The following KCND2 variants were observed in gnomAD, a reference collection of about 807,000 sequenced individuals.
KCND2 encodes the protein A-type voltage-gated potassium channel KCND2.
A neutral mutation model predicts 54.4 loss-of-function variants in KCND2; 16 were observed. The ratio of observed to expected loss-of-function variants is 0.29; its 90% CI spans 0.20 to 0.45. The LOEUF (loss-of-function observed/expected upper bound fraction) is 0.45. Among genes scored for constraint, KCND2 ranks in the 20% least tolerant of loss-of-function variants. The probability of loss-of-function intolerance (pLI) is 1.00; values close to 1 mark genes in which losing one functional copy is unlikely to be tolerated. For synonymous variants in KCND2, 317 were observed against 310.7 expected (o/e 1.02, Z -0.21); for missense variants, 486 against 824.2 (o/e 0.59, Z 5.02).
intron 1 of KCND2, among the ~76,000 whole-genome samples, chr7:120,699,398 G>C (rs908042762): frequency 6.6e-6 from 1 of 152,114 alleles, no homozygotes; most frequent in Non-Finnish European, 1.5e-5. Context: ...CTTCTTATTT[G>C]TATGAGTCAC....
intron 1 of KCND2, among the ~76,000 whole-genome samples, chr7:120,566,985 A>G (rs1032527206): frequency 6.6e-6 from 1 of 152,080 alleles, no homozygotes; most frequent in Non-Finnish European, 1.5e-5. Flanking sequence ...AAAAACAGCA[A>G]ACATTTTGTC....
At chr7:120,580,656 A>G (rs1007569567) in intron 1 of KCND2, among the ~76,000 whole-genome samples, 3 of 152,212 alleles carry the variant, frequency 2.0e-5, no homozygotes, top group Non-Finnish European at 2.9e-5. Flanking sequence ...GTGTTCTGTT[A>G]ATAAGAAAGA....
intron 1 of KCND2, among the ~76,000 whole-genome samples, chr7:120,547,324 T>A (rs1792052719): frequency 6.6e-6 from 1 of 151,968 alleles, no homozygotes; most frequent in South Asian, 2.1e-4. Context: ...GAAATCATTC[T>A]CCATTCTACT....
intron 1 of KCND2, among the ~76,000 whole-genome samples, chr7:120,463,083 T>C (rs574769178): frequency 1.3e-5 from 2 of 152,224 alleles, no homozygotes; most frequent in South Asian, 4.1e-4. Flanking sequence ...CTATAGAGAT[T>C]GGTGAAGGTA....
At chr7:120,571,616 A>G (rs1348102231) in intron 1 of KCND2, among the ~76,000 whole-genome samples, 2 of 152,218 alleles carry the variant, frequency 1.3e-5, no homozygotes, top group Non-Finnish European at 2.9e-5. Flanking sequence ...AAAGCAAGAA[A>G]TTACTCCTTA....
chr7:120,720,180 A>G (rs1584895674), intron 1 of KCND2, among the ~76,000 whole-genome samples: 1 of 152,144 alleles, frequency 6.6e-6, no homozygotes, highest in Admixed American at 6.6e-5. Flanking sequence ...AGTTTTTAAC[A>G]TAATAAGTCT....
intron 1 of KCND2, among the ~76,000 whole-genome samples, chr7:120,376,985 G>T (rs1206541561): frequency 1.3e-5 from 2 of 151,894 alleles, no homozygotes; most frequent in Non-Finnish European, 2.9e-5. Context: ...TTCACCTGAA[G>T]TTGAAGTTGG....
intron 1 of KCND2, among the ~76,000 whole-genome samples, chr7:120,371,434 ACTAT>A (rs1213918952): frequency 1.3e-5 from 2 of 152,064 alleles, no homozygotes; most frequent in Non-Finnish European, 2.9e-5. Context: ...GAATTCTTAG[ACTAT>A]CTAAACCAGT....
At chr7:120,509,005 G>A (rs186295734) in intron 1 of KCND2, among the ~76,000 whole-genome samples, 148 of 151,292 alleles carry the variant, frequency 9.8e-4, no homozygotes, top group Non-Finnish European at 1.2e-3. Flanking sequence ...GAAACAAAAC[G>A]TATTTGTGAA....
At chr7:120,710,569 C>T (rs960829328) in intron 1 of KCND2, among the ~76,000 whole-genome samples, 3 of 152,088 alleles carry the variant, frequency 2.0e-5, no homozygotes, top group African/African-American at 7.2e-5. Context: ...TCCCCAGTTT[C>T]TCCTGACATA....
At chr7:120,575,575 T>C (rs1422120178) in intron 1 of KCND2, among the ~76,000 whole-genome samples, 3 of 152,186 alleles carry the variant, frequency 2.0e-5, no homozygotes, top group African/African-American at 7.2e-5. Context: ...AAACTTTGTA[T>C]CCTTCAATCC....
chr7:120,500,717 A>T (rs758878656), intron 1 of KCND2, among the ~76,000 whole-genome samples: 7 of 151,844 alleles, frequency 4.6e-5, no homozygotes, highest in Non-Finnish European at 7.4e-5. Context: ...CACCAGTTAG[A>T]TAACTTGCTA....
chr7:120,452,262 T>C (rs1191249201), intron 1 of KCND2, among the ~76,000 whole-genome samples: 5 of 152,238 alleles, frequency 3.3e-5, no homozygotes, highest in Admixed American at 3.3e-4. Flanking sequence ...ACTTAATCTC[T>C]GTATTCCTTA....
intron 1 of KCND2, among the ~76,000 whole-genome samples, chr7:120,550,506 A>G (rs542734321): frequency 1.5e-4 from 23 of 152,148 alleles, no homozygotes; most frequent in Non-Finnish European, 2.9e-4. Context: ...CAGTTGGCCA[A>G]ATATCATTGC....
chr7:120,637,835 AG>A (rs1793324101), intron 1 of KCND2, among the ~76,000 whole-genome samples: 1 of 152,098 alleles, frequency 6.6e-6, no homozygotes, highest in African/African-American at 2.4e-5. Flanking sequence ...TCTAGGACCT[AG>A]CTTGAAGAAC....
intron 1 of KCND2, among the ~76,000 whole-genome samples, chr7:120,433,077 C>T (rs552667717): frequency 1.3e-5 from 2 of 152,286 alleles, no homozygotes; most frequent in South Asian, 2.1e-4. Flanking sequence ...TTCAGACACA[C>T]AGGAAGGAGA....
intron 1 of KCND2, among the ~76,000 whole-genome samples, chr7:120,398,205 T>G (rs1220510394): frequency 6.6e-6 from 1 of 150,872 alleles, no homozygotes; most frequent in African/African-American, 2.4e-5. Flanking sequence ...AACAGTAAGA[T>G]GACAATGACC....
chr7:120,704,321 T>A (rs1792439240), intron 1 of KCND2, among the ~76,000 whole-genome samples: 1 of 152,216 alleles, frequency 6.6e-6, no homozygotes, highest in African/African-American at 2.4e-5. Context: ...TGATACATTA[T>A]TCAGGATGGT....
intron 1 of KCND2, among the ~76,000 whole-genome samples, chr7:120,447,944 T>A (rs2116210806): frequency 6.6e-6 from 1 of 152,276 alleles, no homozygotes; most frequent in East Asian, 1.9e-4. Flanking sequence ...TTTTTGAGAT[T>A]AGATAACCAC....
Sources: allele counts gnomAD v4.1 joint callset (sites outside exome capture counted in the v4.1 genomes callset), GRCh38; gene constraint gnomAD v4.1.1; transcripts MANE v1.5; gene names NCBI Gene and HGNC (gene_info 2026-07-23, HGNC 2026-07-21).